Variants in NR3C1 observed in about 807,000 individuals in gnomAD.
NR3C1 encodes glucocorticoid receptor.
A neutral mutation model predicts 74.0 loss-of-function variants in NR3C1; 14 were observed. That is an observed-to-expected ratio of 0.19 (90% CI 0.12 to 0.30). The LOEUF (loss-of-function observed/expected upper bound fraction) is 0.30, where lower values mean the gene tolerates loss of function less well. Among genes scored for constraint, NR3C1 ranks in the 10% least tolerant of loss-of-function variants. The pLI is 1.00. For synonymous variants in NR3C1, 308 were observed against 332.5 expected (o/e 0.93, Z 0.80); for missense variants, 695 against 909.8 (o/e 0.76, Z 3.04).
chr5:143,334,436 C>A (rs1356541962), intron 2 of NR3C1, among the ~76,000 whole-genome samples: 2 of 152,150 alleles, frequency 1.3e-5, no homozygotes, highest in Admixed American at 6.5e-5. Flanking sequence ...TCATCACAGT[C>A]TAGTTCCAAG....
Position 143,434,608 on chromosome 5 carries a change from T to C in NR3C1, c.-90A>G, listed in dbSNP as rs1752027227. 3 of 985,484 alleles carry C rather than the reference T, an allele frequency of 3.0e-6. No individual in the cohort carries two copies. Among genetic ancestry groups the C allele is most frequent in the African/African-American group, 3.5e-5 (2 of 57,378 alleles). The allele number at this position is 985,484 out of a possible 1,614,324, so 61.0% of individuals were successfully genotyped here. The stretch of plus-strand genomic sequence containing the variant: ...AAGGAGCCAGGCAGATGAAAATTCC[T>C]GTTATTAAGGTACAACTAAAGCCCG... On this transcript the variant is annotated 5_prime_UTR_variant, in exon 1 of 9. Coordinates refer to the NR3C1 transcript ENST00000343796.
intron 7 of NR3C1, among the ~76,000 whole-genome samples, chr5:143,290,216 T>C (rs1599702612): frequency 6.6e-6 from 1 of 152,236 alleles, no homozygotes; most frequent in Non-Finnish European, 1.5e-5. Context: ...TTGGTCAATA[T>C]AGGGGCCAGC....
intron 2 of NR3C1, among the ~76,000 whole-genome samples, chr5:143,361,468 C>T (rs986295557): frequency 8.5e-5 from 13 of 152,122 alleles, no homozygotes; most frequent in African/African-American, 3.1e-4. Flanking sequence ...ACTCCTTCTT[C>T]AAAGGAAAGC....
In NR3C1 at chr5:143,309,797, G is replaced by T. The variant is rs532388979; in HGVS notation, c.1468+300C>A. ...GTTTTGAGGCTGAAAAAAGGAGTAA[G>T]AATAATAAAGTTGCTGCATGTTGTG... is the stretch of plus-strand genomic sequence containing the variant. On this transcript the variant is annotated intron_variant, in intron 4 of 8. Coordinates refer to ENST00000394464, the MANE Select transcript of NR3C1 (RefSeq NM_000176.3). Among the ~76,000 whole-genome samples the T allele has an allele frequency of 3.9e-5, 6 of 152,258 alleles. No homozygotes were observed. The South Asian group carries it at 1.2e-3, about 32-fold the overall frequency.
intron 4 of NR3C1, 48 bp downstream of exon 4, chr5:143,310,049 T>A: frequency 7.2e-7 from 1 of 1,390,102 alleles, no homozygotes; most frequent in Non-Finnish European, 1.0e-6. Flanking sequence ...AATGATAAAT[T>A]TTTATAAGCT....
intron 7 of NR3C1, chr5:143,294,366 G>C: frequency 1.1e-6 from 1 of 884,238 alleles, no homozygotes; most frequent in Non-Finnish European, 1.4e-6. Flanking sequence ...AATGGCCTAA[G>C]GTTTATAATA....
chr5:143,352,661 T>G (rs1485564089), intron 2 of NR3C1, among the ~76,000 whole-genome samples: 1 of 152,262 alleles, frequency 6.6e-6, no homozygotes, highest in Non-Finnish European at 1.5e-5. Context: ...ATAAAAGTTA[T>G]ATTTATACTA....
chr5:143,382,104 G>C (rs1836367555), intron 2 of NR3C1, among the ~76,000 whole-genome samples: 1 of 152,060 alleles, frequency 6.6e-6, no homozygotes, highest in South Asian at 2.1e-4. Flanking sequence ...ATGGACAAAA[G>C]ATCTGAATAG....
intron 4 of NR3C1, among the ~76,000 whole-genome samples, chr5:143,309,649 C>A (rs1218158337): frequency 6.6e-6 from 1 of 151,868 alleles, no homozygotes; most frequent in Non-Finnish European, 1.5e-5. Context: ...TCCCACCACC[C>A]CCCGCTTGAA....
chr5:143,388,005 G>A (rs1837561408), intron 2 of NR3C1, among the ~76,000 whole-genome samples: 2 of 152,088 alleles, frequency 1.3e-5, no homozygotes, highest in South Asian at 2.1e-4. Context: ...AAAGCATAAA[G>A]CTTCTGCTAC....
At chr5:143,349,324 C>T (rs749239796) in intron 2 of NR3C1, among the ~76,000 whole-genome samples, 1 of 152,148 alleles carries the variant, frequency 6.6e-6, no homozygotes, top group Non-Finnish European at 1.5e-5. Context: ...TGGACAATTG[C>T]CTACTCTCTT....
At chr5:143,351,380 C>T (rs1171908057) in intron 2 of NR3C1, among the ~76,000 whole-genome samples, 22 of 152,228 alleles carry the variant, frequency 1.4e-4, no homozygotes, top group Admixed American at 1.3e-3. Flanking sequence ...ACATTCCAAA[C>T]ACCTATCTTT....
chr5:143,322,333 G>C (rs1227749344), intron 2 of NR3C1, among the ~76,000 whole-genome samples: 1 of 152,190 alleles, frequency 6.6e-6, no homozygotes, highest in Non-Finnish European at 1.5e-5. Context: ...CTATGATAAA[G>C]TGTCAGAACT....
intron 2 of NR3C1, among the ~76,000 whole-genome samples, chr5:143,322,349 GCTGAGGTATATC>G (rs967136112): frequency 2.0e-5 from 3 of 152,182 alleles, no homozygotes; most frequent in Non-Finnish European, 4.4e-5. Context: ...GAACTGAGAA[GCTGAGGTATATC>G]CAGGCCTTCA....
chr5:143,291,885 C>G (rs1431468946), intron 7 of NR3C1, among the ~76,000 whole-genome samples: 1 of 152,288 alleles, frequency 6.6e-6, no homozygotes, highest in East Asian at 1.9e-4. Flanking sequence ...AGCCTTTAAC[C>G]TACTAATCAT....
chr5:143,347,454 T>C (rs1829508100), intron 2 of NR3C1, among the ~76,000 whole-genome samples: 1 of 152,204 alleles, frequency 6.6e-6, no homozygotes, highest in African/African-American at 2.4e-5. Flanking sequence ...GGCATCACAC[T>C]AGTAAAGAAT....
chr5:143,356,456 T>C (rs1431062032), intron 2 of NR3C1, among the ~76,000 whole-genome samples: 9 of 152,076 alleles, frequency 5.9e-5, no homozygotes, highest in Admixed American at 5.9e-4. Context: ...ATATCAACAA[T>C]TTCACTTAAT....
rs899140170 is a variant in NR3C1 at position 143,352,381 on chromosome 5, G to A, written c.1185-38213C>T. Among the ~76,000 whole-genome samples, 13 of 152,104 alleles carry A rather than the reference G, an allele frequency of 8.5e-5. 1 individual carries two copies. Among genetic ancestry groups the A allele is most frequent in the Admixed American group, 8.5e-4 (13 of 15,278 alleles). On this transcript the variant is annotated intron_variant, in intron 2 of 8. Coordinates refer to ENST00000394464, the MANE Select transcript of NR3C1 (RefSeq NM_000176.3). Reference sequence around the variant, plus strand: ...ATAATGAGTTTTCATATTATGAACTGCAAGAATTGGCTATCTCAGACATAT... The same window carrying A: ...ATAATGAGTTTTCATATTATGAACTACAAGAATTGGCTATCTCAGACATAT...
intron 2 of NR3C1, among the ~76,000 whole-genome samples, chr5:143,331,769 C>A (rs906929908): frequency 2.0e-5 from 3 of 152,146 alleles, no homozygotes; most frequent in Non-Finnish European, 4.4e-5. Flanking sequence ...GAAGGACAGA[C>A]ACTGGGGCCT....
Sources: allele counts gnomAD v4.1 joint callset (sites outside exome capture counted in the v4.1 genomes callset), GRCh38; gene constraint gnomAD v4.1.1; transcripts MANE v1.5; gene names NCBI Gene and HGNC (gene_info 2026-07-23, HGNC 2026-07-21).